Variants in PTPRT observed in about 807,000 individuals in gnomAD.
PTPRT encodes the protein receptor-type tyrosine-protein phosphatase T.
PTPRT carries 56 observed loss-of-function variants against 176.8 expected under a neutral mutation model. That is an observed-to-expected ratio of 0.32 (90% CI 0.26 to 0.40). PTPRT has a LOEUF of 0.40. Among genes scored for constraint, PTPRT ranks in the 10% least tolerant of loss-of-function variants. The pLI, the probability that PTPRT is intolerant of heterozygous loss-of-function variation, is 1.00. For synonymous variants in PTPRT, 783 were observed against 739.0 expected (o/e 1.06, Z -0.96); for missense variants, 1,540 against 1,908.2 (o/e 0.81, Z 3.60).
At chr20:42,169,148 C>T (rs1989964668) in intron 16 of PTPRT, among the ~76,000 whole-genome samples, 1 of 152,134 alleles carries the variant, frequency 6.6e-6, no homozygotes, top group South Asian at 2.1e-4. Flanking sequence ...AACCATATAG[C>T]AGGGTTGGGG....
intron 1 of PTPRT, among the ~76,000 whole-genome samples, chr20:42,914,185 C>A (rs910851816): frequency 6.6e-6 from 1 of 152,106 alleles, no homozygotes; most frequent in South Asian, 2.1e-4. Context: ...GTGGATCAGC[C>A]CTAGGTGATC....
intron 13 of PTPRT, among the ~76,000 whole-genome samples, chr20:42,278,516 G>T (rs1446295328): frequency 6.6e-6 from 1 of 151,972 alleles, no homozygotes; most frequent in African/African-American, 2.4e-5. Context: ...GTAAGGAAAA[G>T]TAGCAAAATG....
chr20:42,587,879 A>G (rs1439602755), intron 7 of PTPRT, among the ~76,000 whole-genome samples: 4 of 152,238 alleles, frequency 2.6e-5, no homozygotes, highest in African/African-American at 9.6e-5. Context: ...TAGCTGGGTG[A>G]CTTTGGGCAA....
At chr20:42,470,266 A>C (rs117846666) in intron 8 of PTPRT, among the ~76,000 whole-genome samples, 1 of 152,144 alleles carries the variant, frequency 6.6e-6, no homozygotes, top group Non-Finnish European at 1.5e-5. Flanking sequence ...TCTCCTCCCC[A>C]TCCCAGACCC....
intron 1 of PTPRT, among the ~76,000 whole-genome samples, chr20:43,030,106 T>A (rs6030610): frequency 0.42 from 63,586 of 152,208 alleles, 16,928 homozygotes; most frequent in African/African-American, 0.75. Context: ...TTTCTCTTTT[T>A]TTCTTCCACT....
intron 19 of PTPRT, among the ~76,000 whole-genome samples, chr20:42,124,594 G>T (rs1304721458): frequency 6.6e-6 from 1 of 152,232 alleles, no homozygotes; most frequent in Non-Finnish European, 1.5e-5. Context: ...CAATTGTAGA[G>T]AAATGATTCT....
At chr20:42,269,763 G>C (rs1210099496) in intron 13 of PTPRT, among the ~76,000 whole-genome samples, 1 of 152,214 alleles carries the variant, frequency 6.6e-6, no homozygotes, top group Non-Finnish European at 1.5e-5. Flanking sequence ...CGTAAATGGT[G>C]CCCCATAAGG....
At position 43,119,382 on chromosome 20, in the gene PTPRT, C is replaced by T. The variant is rs199663251; in HGVS notation, c.88+70264G>A. Among the ~76,000 whole-genome samples, 9 of 152,208 alleles carry T rather than the reference C, an allele frequency of 5.9e-5. No homozygotes were observed. In the East Asian group the frequency reaches 1.7e-3, roughly 29 times the overall value. On this transcript the variant is annotated intron_variant, in intron 1 of 30. Coordinates refer to ENST00000373187, the MANE Select transcript of PTPRT (RefSeq NM_007050.6). ...AGTATGTCTTTAAAATGCAATTTAT[C>T]CTTGTTTTCTATTTTTTCTTCTATT...
intron 1 of PTPRT, among the ~76,000 whole-genome samples, chr20:42,965,567 G>A (rs954415236): frequency 3.3e-5 from 5 of 152,126 alleles, no homozygotes; most frequent in Admixed American, 1.3e-4. Flanking sequence ...AAATTTAATA[G>A]CTCTTATGAG....
chr20:42,640,160 C>A (rs1600527628), intron 7 of PTPRT, among the ~76,000 whole-genome samples: 1 of 152,120 alleles, frequency 6.6e-6, no homozygotes, highest in Admixed American at 6.5e-5. Context: ...GCATGTTGCA[C>A]CTTGTGTTAC....
At chr20:42,966,044 C>T (rs1982274551) in intron 1 of PTPRT, among the ~76,000 whole-genome samples, 1 of 152,158 alleles carries the variant, frequency 6.6e-6, no homozygotes, top group East Asian at 1.9e-4. Context: ...CCAGATAGGT[C>T]ATTCTAGTTC....
intron 1 of PTPRT, among the ~76,000 whole-genome samples, chr20:43,138,158 T>C (rs984458284): frequency 1.3e-5 from 2 of 152,220 alleles, no homozygotes; most frequent in African/African-American, 4.8e-5. Context: ...CAAGAGGCTC[T>C]CTAGGGATTG....
chr20:42,979,961 A>G (rs554904294), intron 1 of PTPRT, among the ~76,000 whole-genome samples: 94 of 95,754 alleles, frequency 9.8e-4, no homozygotes, highest in African/African-American at 3.6e-3. Flanking sequence ...GCCGGAGAGC[A>G]TGCAAGTATG....
chr20:42,048,731 C>A, the PTPRT span, among the ~76,000 whole-genome samples: 3 of 152,310 alleles, frequency 2.0e-5, no homozygotes, highest in African/African-American at 7.2e-5. Context: ...AGGGGTATGA[C>A]AAGTCATCTT....
intron 7 of PTPRT, among the ~76,000 whole-genome samples, chr20:42,479,266 C>T (rs1289768083): frequency 1.3e-5 from 2 of 152,178 alleles, no homozygotes; most frequent in African/African-American, 4.8e-5. Flanking sequence ...AAAGTTGAAC[C>T]TAAATTAAGA....
intron 9 of PTPRT, among the ~76,000 whole-genome samples, chr20:42,372,279 CTTTTTTTTTTTT>C (rs10588893): frequency 2.4e-5 from 2 of 83,644 alleles, no homozygotes; most frequent in Non-Finnish European, 4.5e-5. Flanking sequence ...TTTCTTAACT[CTTTTTTTTTTTT>C]TTTTTTTTTT....
At chr20:42,268,239 G>A (rs1796560638) in intron 13 of PTPRT, among the ~76,000 whole-genome samples, 1 of 152,200 alleles carries the variant, frequency 6.6e-6, no homozygotes, top group South Asian at 2.1e-4. Context: ...ATCAAATGAG[G>A]TTGAGAAACG....
At chr20:42,210,225 T>G (rs548089303) in intron 15 of PTPRT, among the ~76,000 whole-genome samples, 165 of 152,324 alleles carry the variant, frequency 1.1e-3, no homozygotes, top group Admixed American at 2.2e-3. Flanking sequence ...GCATTCTCTT[T>G]GAAAACTGGC....
intron 7 of PTPRT, among the ~76,000 whole-genome samples, chr20:42,648,819 T>TG (rs2074966930): frequency 9.2e-6 from 1 of 109,218 alleles, no homozygotes; most frequent in Non-Finnish European, 1.8e-5. Context: ...TTGGTGTCGT[T>TG]GTTTTTTTTT....
Sources: gnomAD v4.1 joint callset for allele counts (sites outside exome capture counted in the v4.1 genomes callset) on GRCh38, gnomAD v4.1.1 for gene constraint, MANE v1.5 for transcripts, NCBI Gene and HGNC (gene_info 2026-07-23, HGNC 2026-07-21) for gene names.